SNX9: variants seen among roughly 807,000 people sequenced by gnomAD.
SNX9 encodes sorting nexin-9.
SNX9 carries 44 observed loss-of-function variants against 89.4 expected under a neutral mutation model. That is an observed-to-expected ratio of 0.49 (90% confidence interval 0.39 to 0.63). The LOEUF (loss-of-function observed/expected upper bound fraction) is 0.63, where lower values mean the gene tolerates loss of function less well. Among genes scored for constraint, SNX9 ranks in the 30% least tolerant of loss-of-function variants. The pLI is 0.00. For missense variants in SNX9, 578 were observed against 736.1 expected (o/e 0.79, Z 2.49); for synonymous variants, 236 against 247.8 (o/e 0.95, Z 0.45).
At chr6:157,882,352 G>A (rs1782644209) in intron 4 of SNX9, among the ~76,000 whole-genome samples, 1 of 152,198 alleles carries the variant, frequency 6.6e-6, no homozygotes, top group African/African-American at 2.4e-5. Flanking sequence ...GGTCACCTAA[G>A]AGCGCTGATG....
chr6:157,906,351 TA>T, intron 7 of SNX9, 139 bp downstream of exon 7: 1 of 631,142 alleles, frequency 1.6e-6, no homozygotes, highest in Non-Finnish European at 2.7e-6. Context: ...TAATATATGT[TA>T]GTGTTGTAGG....
chr6:157,915,112 GT>G (rs1783433954), intron 9 of SNX9, among the ~76,000 whole-genome samples: 1 of 152,020 alleles, frequency 6.6e-6, no homozygotes, highest in Non-Finnish European at 1.5e-5. Context: ...GATTGTATTT[GT>G]TGGTTTATTT....
intron 1 of SNX9, among the ~76,000 whole-genome samples, chr6:157,828,586 C>G (rs545689565): frequency 2.4e-4 from 37 of 152,266 alleles, no homozygotes; most frequent in Admixed American, 1.9e-3. Flanking sequence ...CTCGACTTCC[C>G]TGGCTCAGGT....
Position 157,901,929 on chromosome 6 carries a change from C to T in SNX9, c.504C>T (p.Asp168=), listed in dbSNP as rs201178098. 50 of 1,611,752 alleles carry T rather than the reference C, an allele frequency of 3.1e-5. No homozygotes were observed. The Admixed American group carries it at 8.4e-4, about 27-fold the overall frequency. ...GTGATGATGATGACTGGGATGAAGA[C>T]TGGGATGGGCCCAAATCCTCTTCCT... The part of the protein sequence containing the change: ...ATGDDDDWDE[D]WDGPKSSSYF... The change falls in exon 6 of 18, where the codon GAC becomes GAT. Residue 168 remains aspartate, a synonymous_variant. Coordinates refer to ENST00000392185, the MANE Select transcript of SNX9 (RefSeq NM_016224.5).
rs533969054 is a variant in SNX9 at position 157,849,277 on chromosome 6, A to T, written c.13-18270A>T. Among the ~76,000 whole-genome samples, 3 of 152,340 alleles carry T rather than the reference A, an allele frequency of 2.0e-5. No homozygotes were observed. In the East Asian group the frequency reaches 5.8e-4, roughly 29 times the overall value. ...GGGTACAGTTAATTACACTGAGATA[A>T]CAGGCATAAACTGGGGCTGGCCTGG... On this transcript the variant is annotated intron_variant, in intron 1 of 17. Transcript: ENST00000392185.
intron 11 of SNX9, 90 bp downstream of exon 11, chr6:157,927,304 C>T: frequency 1.2e-6 from 1 of 826,882 alleles, no homozygotes; most frequent in Non-Finnish European, 2.0e-6. Context: ...GCAGCCGAAA[C>T]TCAAATCAGA....
intron 10 of SNX9, 94 bp from the exon 11 acceptor site, chr6:157,927,017 A>G (rs1366549780): frequency 5.6e-6 from 5 of 893,080 alleles, no homozygotes; most frequent in East Asian, 2.5e-5. Context: ...AATTAGAAAG[A>G]TAAAGGTGAT....
chr6:157,936,593 A>C (rs891206448), intron 14 of SNX9, among the ~76,000 whole-genome samples: 1 of 152,266 alleles, frequency 6.6e-6, no homozygotes, highest in Non-Finnish European at 1.5e-5. Flanking sequence ...TCTAAAGAAC[A>C]GGAAAGAATG....
intron 4 of SNX9, among the ~76,000 whole-genome samples, chr6:157,892,205 T>G (rs931116259): frequency 3.9e-5 from 6 of 152,136 alleles, no homozygotes; most frequent in African/African-American, 1.4e-4. Context: ...ACGAGGTGTC[T>G]GTAGTTAGGG....
At chr6:157,910,656 CT>C (rs1011369140) in intron 9 of SNX9, among the ~76,000 whole-genome samples, 10 of 152,072 alleles carry the variant, frequency 6.6e-5, no homozygotes, top group Non-Finnish European at 1.5e-4. Context: ...CCCCAAGAAT[CT>C]TTTGGTAAGT....
In SNX9 at chr6:157,865,409, A is replaced by G. The variant is rs182030556; in HGVS notation, c.13-2138A>G. Among the ~76,000 whole-genome samples, 68 of 151,206 alleles carry G rather than the reference A, an allele frequency of 4.5e-4. No homozygotes were observed. The East Asian group carries it at 8.0e-3, about 18-fold the overall frequency. ...TTCTGTCCACTTTTGCAGCCATGTC[A>G]GGAAAACACCTCAGCATGGCTGCTT... On this transcript the variant is annotated intron_variant, in intron 1 of 17. Transcript: ENST00000392185.
Position 157,901,761 on chromosome 6 carries a change from C to T in SNX9, c.473-137C>T, listed in dbSNP as rs924153653. ...TACTCTTAACATCCATATTATACTCCTATACTATACCCTTTTCTCCATCAA... is the reference window on the plus strand; with the variant it reads ...TACTCTTAACATCCATATTATACTCTTATACTATACCCTTTTCTCCATCAA... On this transcript the variant is annotated intron_variant, in intron 5 of 17. Transcript: ENST00000392185. 5 of 932,144 alleles carry T rather than the reference C, an allele frequency of 5.4e-6. No homozygotes were observed. In the African/African-American group the frequency reaches 8.4e-5, roughly 16 times the overall value. 57.7% of individuals were successfully genotyped at this position (932,144 alleles called of 1,614,324 possible).
intron 4 of SNX9, among the ~76,000 whole-genome samples, chr6:157,893,096 G>A (rs1367444144): frequency 6.6e-6 from 1 of 152,158 alleles, no homozygotes; most frequent in African/African-American, 2.4e-5. Flanking sequence ...TTAGAGTTTG[G>A]AGGACACGGA....
chr6:157,938,848 T>C (rs1168207804), intron 16 of SNX9, 101 bp downstream of exon 16: 2 of 766,410 alleles, frequency 2.6e-6, no homozygotes, highest in African/African-American at 1.7e-5. Flanking sequence ...AGCAGTTAAG[T>C]AAGTGAGACC....
At chr6:157,902,619 T>C (rs1271246851) in intron 6 of SNX9, among the ~76,000 whole-genome samples, 2 of 152,078 alleles carry the variant, frequency 1.3e-5, no homozygotes, top group Non-Finnish European at 2.9e-5. Context: ...CGGAGCTTTG[T>C]GTTAGCTTAG....
intron 13 of SNX9, among the ~76,000 whole-genome samples, chr6:157,935,586 C>G (rs1302959487): frequency 6.6e-6 from 1 of 152,124 alleles, no homozygotes; most frequent in Non-Finnish European, 1.5e-5. Context: ...AGTTCTGTGC[C>G]GTATGGACCT....
At chr6:157,942,101 C>T (rs1253110852) in intron 17 of SNX9, among the ~76,000 whole-genome samples, 1 of 152,230 alleles carries the variant, frequency 6.6e-6, no homozygotes, top group Non-Finnish European at 1.5e-5. Flanking sequence ...CCATGTATTT[C>T]ATCACTGTCT....
chr6:157,940,277 A>G (rs1324445057), intron 16 of SNX9, among the ~76,000 whole-genome samples: 1 of 152,224 alleles, frequency 6.6e-6, no homozygotes, highest in African/African-American at 2.4e-5. Flanking sequence ...AATATGACCA[A>G]GTATTTTCTA....
chr6:157,907,742 TGAGGAAAGCCACCGCGTCTTCAG>T (rs1783248080), intron 7 of SNX9, among the ~76,000 whole-genome samples: 1 of 152,338 alleles, frequency 6.6e-6, no homozygotes, highest in South Asian at 2.1e-4. Flanking sequence ...TGGAAGAAGC[TGAGGAAAGCCACCGCGTCTTCAG>T]GAGGCCCAGA....
Sources: allele counts gnomAD v4.1 joint callset (sites outside exome capture counted in the v4.1 genomes callset), GRCh38; gene constraint gnomAD v4.1.1; transcripts MANE v1.5; gene names NCBI Gene and HGNC (gene_info 2026-07-23, HGNC 2026-07-21).